The following COL8A1 variants were observed in gnomAD, a reference collection of about 807,000 sequenced individuals.
COL8A1 encodes collagen type VIII alpha 1 chain.
In COL8A1, 21 loss-of-function variants were observed where a neutral mutation model predicts 42.7. The observed-to-expected ratio is 0.49, with a 90% CI of 0.35 to 0.71. COL8A1 has a LOEUF of 0.71. COL8A1 is among the 30% of genes least tolerant of loss of function. The pLI is 0.01. For missense variants in COL8A1, 788 were observed against 962.4 expected (o/e 0.82, Z 2.40); for synonymous variants, 367 against 369.1 (o/e 0.99, Z 0.06).
chr3:99,687,365 G>A (rs1939093654), intron 1 of COL8A1, among the ~76,000 whole-genome samples: 2 of 152,194 alleles, frequency 1.3e-5, no homozygotes, highest in Admixed American at 1.3e-4. Flanking sequence ...TGATAATGGA[G>A]GCAAAATGCA....
At chr3:99,663,093 G>A (rs1938257693) in intron 1 of COL8A1, among the ~76,000 whole-genome samples, 1 of 152,120 alleles carries the variant, frequency 6.6e-6, no homozygotes, top group Non-Finnish European at 1.5e-5. Context: ...GAATGACTAA[G>A]TATTCCTCAA....
chr3:99,694,218 C>G (rs964277200), intron 1 of COL8A1, among the ~76,000 whole-genome samples: 2 of 152,124 alleles, frequency 1.3e-5, no homozygotes. Flanking sequence ...TGCAGTGGCT[C>G]ACACCTGTAA....
At chr3:99,650,583 C>T (rs146845509) in intron 1 of COL8A1, among the ~76,000 whole-genome samples, 90 of 152,034 alleles carry the variant, frequency 5.9e-4, no homozygotes, top group African/African-American at 1.9e-3. Context: ...TACAGGTGCA[C>T]GCCACCACAC....
intron 1 of COL8A1, among the ~76,000 whole-genome samples, chr3:99,683,264 T>C (rs1168472577): frequency 2.6e-5 from 4 of 152,176 alleles, no homozygotes; most frequent in Non-Finnish European, 5.9e-5. Context: ...CCTTTCCATA[T>C]TTACCAAAAT....
In COL8A1 at chr3:99,764,611, C is replaced by T. The variant is rs534603586; in HGVS notation, c.-4+19590C>T. On this transcript the variant is annotated intron_variant, in intron 2 of 3. Transcript: ENST00000652472. The stretch of plus-strand genomic sequence containing the variant: ...AGGATTTTTGACATGCTATTTAAAA[C>T]CTCTGTGCCTTGAATGCCACATAGA... Among the ~76,000 whole-genome samples, 107 of 152,148 alleles carry T rather than the reference C, an allele frequency of 7.0e-4. 1 individual carries two copies. Among genetic ancestry groups the T allele is most frequent in the Middle Eastern group, 6.8e-3 (2 of 294 alleles).
At chr3:99,736,652 G>C (rs1258619215) in intron 1 of COL8A1, among the ~76,000 whole-genome samples, 2 of 152,066 alleles carry the variant, frequency 1.3e-5, no homozygotes, top group Non-Finnish European at 2.9e-5. Flanking sequence ...TTACTTCCAA[G>C]TATGTGGTCA....
rs371735925 is a variant in COL8A1, at chr3:99,795,828, A to G, written c.1927A>G (p.Arg643Gly). ...GTTTAACAAACTGCTGTATAACGGC[A>G]GACAGAACTACAACCCGCAGACAGG... ...VKFNKLLYNG[R>G]QNYNPQTGIF... is the part of the protein sequence containing the mutation. Residue 643 changes from arginine to glycine, a missense_variant, in exon 4 of 4, where the codon AGA becomes GGA. Transcript: ENST00000652472. 3.7e-6 allele frequency: 6 copies of G among 1,614,206 alleles called. No homozygotes were observed. Among genetic ancestry groups the G allele is most frequent in the East Asian group, 2.2e-5 (1 of 44,888 alleles).
chr3:99,721,382 A>AG (rs1035804593), intron 1 of COL8A1, among the ~76,000 whole-genome samples: 2 of 148,930 alleles, frequency 1.3e-5, no homozygotes, highest in African/African-American at 4.9e-5. Context: ...AAAAAAAAAA[A>AG]AAGAAAGGAA....
At chr3:99,737,455 G>T (rs1040630952) in intron 1 of COL8A1, among the ~76,000 whole-genome samples, 3 of 152,168 alleles carry the variant, frequency 2.0e-5, no homozygotes, top group East Asian at 3.9e-4. Flanking sequence ...TTGCTTGTCT[G>T]TAAAGTATTT....
In COL8A1 at chr3:99,744,877, T is replaced by A. The variant is rs1001187269; in HGVS notation, c.-128-20T>A. 4 of 152,218 alleles carry A rather than the reference T, an allele frequency of 2.6e-5. No individual in the cohort carries two copies. Among genetic ancestry groups the A allele is most frequent in the Admixed American group, 1.3e-4 (2 of 15,286 alleles). 9.4% of individuals were successfully genotyped at this position (152,218 alleles called of 1,614,324 possible). A position where few individuals can be genotyped will look rare whatever the true frequency, so the allele number is the denominator to read the frequency against. On this transcript the variant is annotated intron_variant, in intron 1 of 3. Transcript: ENST00000652472. ...CTTTTAATTGCCTTGAGTAAAAGTA[T>A]CCTCTTTTTTCTACTTTAGAAGCTG...
At chr3:99,778,105 T>G (rs1367716501) in intron 2 of COL8A1, among the ~76,000 whole-genome samples, 1 of 152,142 alleles carries the variant, frequency 6.6e-6, no homozygotes, top group East Asian at 1.9e-4. Context: ...TTCACATGAA[T>G]ATGAAATAAT....
chr3:99,676,370 G>A (rs1300679983), intron 1 of COL8A1, among the ~76,000 whole-genome samples: 1 of 152,010 alleles, frequency 6.6e-6, no homozygotes, highest in Non-Finnish European at 1.5e-5. Context: ...TTACAAGAAA[G>A]GAAAATAGCA....
At chr3:99,727,066 C>A (rs559626486) in intron 1 of COL8A1, among the ~76,000 whole-genome samples, 5 of 151,934 alleles carry the variant, frequency 3.3e-5, no homozygotes, top group African/African-American at 9.6e-5. Context: ...TCTTCCATTT[C>A]TTTGTATCCT....
chr3:99,705,317 C>T (rs1475450387), intron 1 of COL8A1, among the ~76,000 whole-genome samples: 1 of 152,168 alleles, frequency 6.6e-6, no homozygotes, highest in East Asian at 1.9e-4. Context: ...AGCCTAATGT[C>T]CAACTTCCAC....
intron 1 of COL8A1, among the ~76,000 whole-genome samples, chr3:99,696,584 C>A (rs542477420): frequency 4.2e-4 from 64 of 152,336 alleles, no homozygotes; most frequent in African/African-American, 1.5e-3. Flanking sequence ...GCAGACAGCA[C>A]AGCACCAAAG....
At chr3:99,664,194 T>C (rs1938294245) in intron 1 of COL8A1, among the ~76,000 whole-genome samples, 1 of 152,220 alleles carries the variant, frequency 6.6e-6, no homozygotes, top group Non-Finnish European at 1.5e-5. Flanking sequence ...CTCACTTGAA[T>C]GGAAGCTCTC....
intron 1 of COL8A1, among the ~76,000 whole-genome samples, chr3:99,666,920 G>A (rs1266350764): frequency 1.3e-5 from 2 of 152,076 alleles, no homozygotes; most frequent in South Asian, 2.1e-4. Flanking sequence ...ATCAATACAG[G>A]ACCAGGATAA....
At chr3:99,769,713 G>A (rs933598956) in intron 2 of COL8A1, among the ~76,000 whole-genome samples, 4 of 152,204 alleles carry the variant, frequency 2.6e-5, no homozygotes, top group African/African-American at 9.7e-5. Context: ...GAGGTCAGGA[G>A]ATTGAGACCA....
intron 1 of COL8A1, among the ~76,000 whole-genome samples, chr3:99,734,728 A>G (rs1158287016): frequency 6.6e-6 from 1 of 151,732 alleles, no homozygotes; most frequent in East Asian, 1.9e-4. Flanking sequence ...TGAATCTGTA[A>G]ATTACCTTGG....
Sources: allele counts gnomAD v4.1 joint callset (sites outside exome capture counted in the v4.1 genomes callset), GRCh38; gene constraint gnomAD v4.1.1; transcripts MANE v1.5; gene names NCBI Gene and HGNC (gene_info 2026-07-23, HGNC 2026-07-21).